The following PTPRM variants were observed in gnomAD, a reference collection of about 807,000 sequenced individuals.
PTPRM encodes protein tyrosine phosphatase receptor type M, also known as receptor-type tyrosine-protein phosphatase mu.
A neutral mutation model predicts 186.7 loss-of-function variants in PTPRM; 47 were observed. The ratio of observed to expected loss-of-function variants is 0.25; its 90% CI spans 0.20 to 0.32. The LOEUF (loss-of-function observed/expected upper bound fraction) is 0.32. Among genes scored for constraint, PTPRM ranks in the 10% least tolerant of loss-of-function variants. PTPRM has a pLI of 1.00. For missense variants in PTPRM, 1,494 were observed against 1,865.0 expected, an observed-to-expected ratio of 0.80 and a Z score of 3.66; for synonymous variants, 668 against 674.9, an observed-to-expected ratio of 0.99 and a Z score of 0.16.
rs368374908 is a variant in PTPRM at position 7,784,889 on chromosome 18, GC to G, written c.196+10621del. ...GGGAAGCTCCATTTGTCTGCTCTGA[GC>G]CCAAGGAGGCTGCCACCCAGTTGGA... is the stretch of plus-strand genomic sequence containing the variant. On this transcript the variant is annotated intron_variant, in intron 2 of 32. Coordinates refer to ENST00000580170, the MANE Select transcript of PTPRM (RefSeq NM_001105244.2). 6.2e-4 allele frequency among the ~76,000 whole-genome samples: 94 copies of G among 152,314 alleles called. 1 individual carries two copies. The East Asian group carries it at 0.013, about 21-fold the overall frequency.
chr18:7,635,446 A>C (rs994234211), intron 1 of PTPRM, among the ~76,000 whole-genome samples: 2 of 152,102 alleles, frequency 1.3e-5, no homozygotes, highest in African/African-American at 4.8e-5. Context: ...GCACCCAATA[A>C]ATATTAGCTT....
At chr18:7,664,581 T>A (rs186723830) in intron 1 of PTPRM, among the ~76,000 whole-genome samples, 1 of 152,208 alleles carries the variant, frequency 6.6e-6, no homozygotes, top group East Asian at 1.9e-4. Context: ...TTTCTCCATA[T>A]GGGCCTCTTC....
At chr18:8,040,694 C>T (rs73385669) in intron 7 of PTPRM, among the ~76,000 whole-genome samples, 4,789 of 152,152 alleles carry the variant, frequency 0.031, 229 homozygotes, top group African/African-American at 0.11. Flanking sequence ...TATAATTGTT[C>T]GATGAGAGAG....
chr18:7,852,154 G>A (rs1328289507), intron 2 of PTPRM, among the ~76,000 whole-genome samples: 1 of 152,102 alleles, frequency 6.6e-6, no homozygotes, highest in Non-Finnish European at 1.5e-5. Flanking sequence ...CCAAATATAT[G>A]AATTATAGTA....
intron 7 of PTPRM, among the ~76,000 whole-genome samples, chr18:8,068,410 A>C (rs925342558): frequency 2.0e-5 from 3 of 152,240 alleles, no homozygotes; most frequent in Non-Finnish European, 4.4e-5. Context: ...ATGGTACATT[A>C]TAAGTGCTTG....
At chr18:7,792,651 GT>G (rs954451722) in intron 2 of PTPRM, among the ~76,000 whole-genome samples, 1 of 151,948 alleles carries the variant, frequency 6.6e-6, no homozygotes, top group Non-Finnish European at 1.5e-5. Context: ...TAACAAAAGT[GT>G]TTTTTTGTTT....
chr18:8,294,257 A>T (rs917734330), intron 19 of PTPRM, among the ~76,000 whole-genome samples: 5 of 152,182 alleles, frequency 3.3e-5, no homozygotes, highest in African/African-American at 4.8e-5. Flanking sequence ...GTCTCAAATT[A>T]AAAAAGAAAA....
intron 22 of PTPRM, among the ~76,000 whole-genome samples, chr18:8,336,301 G>C (rs1209317313): frequency 1.3e-5 from 2 of 152,132 alleles, no homozygotes; most frequent in Non-Finnish European, 2.9e-5. Flanking sequence ...GCTCATCCCT[G>C]CAATCCCAGC....
intron 14 of PTPRM, among the ~76,000 whole-genome samples, chr18:8,223,146 C>T (rs1016825123): frequency 6.6e-6 from 1 of 152,102 alleles, no homozygotes; most frequent in Non-Finnish European, 1.5e-5. Flanking sequence ...ATTGCTTGAA[C>T]CTGGGAGGTG....
intron 2 of PTPRM, among the ~76,000 whole-genome samples, chr18:7,776,386 C>G (rs941768735): frequency 6.6e-6 from 1 of 152,144 alleles, no homozygotes; most frequent in Non-Finnish European, 1.5e-5. Context: ...CTGGCAGTTC[C>G]CCCACCTCTC....
intron 5 of PTPRM, among the ~76,000 whole-genome samples, chr18:7,934,602 G>A (rs1268093041): frequency 6.6e-6 from 1 of 152,200 alleles, no homozygotes. Flanking sequence ...TTCAGCAGGT[G>A]TGTTTGAAAT....
chr18:7,585,694 C>G (rs1446248112), intron 1 of PTPRM, among the ~76,000 whole-genome samples: 1 of 152,110 alleles, frequency 6.6e-6, no homozygotes, highest in East Asian at 1.9e-4. Context: ...AAGTGGTAAA[C>G]CAAACAGGTA....
intron 1 of PTPRM, among the ~76,000 whole-genome samples, chr18:7,683,662 C>G (rs1227388758): frequency 6.6e-6 from 1 of 152,172 alleles, no homozygotes; most frequent in Non-Finnish European, 1.5e-5. Flanking sequence ...TCAAGAACTT[C>G]TTGATTAAAG....
At chr18:8,331,109 C>G (rs2095410100) in intron 22 of PTPRM, among the ~76,000 whole-genome samples, 2 of 148,710 alleles carry the variant, frequency 1.3e-5, no homozygotes, top group South Asian at 4.3e-4. Context: ...AACCTTTTTG[C>G]ATTCCTTTTC....
At position 7,738,865 on chromosome 18, in the gene PTPRM, C is replaced by T. The variant is rs372063017; in HGVS notation, c.74-35284C>T. ...TGTTGCAGTTTTTGGTGTATCTCAT[C>T]GATTTGCTGAGCATACTCAGATGTA... On this transcript the variant is annotated intron_variant, in intron 1 of 32. Coordinates refer to ENST00000580170, the MANE Select transcript of PTPRM (RefSeq NM_001105244.2). Among the ~76,000 whole-genome samples, 76 of 152,174 alleles carry T rather than the reference C, an allele frequency of 5.0e-4. 2 individuals are homozygous for T. In the South Asian group the frequency reaches 8.9e-3, roughly 18 times the overall value.
At chr18:7,950,479 G>A (rs9956981) in intron 6 of PTPRM, among the ~76,000 whole-genome samples, 42,396 of 152,056 alleles carry the variant, frequency 0.28, 7,690 homozygotes, top group African/African-American at 0.52. Context: ...AAGATAGGCA[G>A]CTTTAAAGAT....
At chr18:7,957,184 T>C (rs2053371596) in intron 7 of PTPRM, among the ~76,000 whole-genome samples, 1 of 152,134 alleles carries the variant, frequency 6.6e-6, no homozygotes. Context: ...TTTTTTTTTT[T>C]TTTACACATT....
chr18:8,387,883 C>A (rs1263926837), intron 31 of PTPRM, among the ~76,000 whole-genome samples: 1 of 151,838 alleles, frequency 6.6e-6, no homozygotes, highest in Non-Finnish European at 1.5e-5. Flanking sequence ...ATATGGGCAC[C>A]CCTGCTACAC....
At chr18:7,733,909 T>C (rs1324334405) in intron 1 of PTPRM, among the ~76,000 whole-genome samples, 1 of 152,178 alleles carries the variant, frequency 6.6e-6, no homozygotes, top group Non-Finnish European at 1.5e-5. Context: ...AAACATCTGG[T>C]GTAAACCCTT....
Sources: allele counts gnomAD v4.1 joint callset (sites outside exome capture counted in the v4.1 genomes callset), GRCh38; gene constraint gnomAD v4.1.1; transcripts MANE v1.5; gene names NCBI Gene and HGNC (gene_info 2026-07-23, HGNC 2026-07-21).